HERC2: variants seen among roughly 807,000 people sequenced by gnomAD.
HERC2 encodes HECT and RLD domain containing E3 ubiquitin protein ligase 2.
A neutral mutation model predicts 537.7 loss-of-function variants in HERC2; 102 were observed. The observed-to-expected ratio is 0.19, with a 90% confidence interval of 0.16 to 0.22. The LOEUF (loss-of-function observed/expected upper bound fraction) is 0.22, where lower values mean the gene tolerates loss of function less well. HERC2 is among the 10% of genes least tolerant of loss of function. HERC2 has a pLI of 1.00. For synonymous variants in HERC2, 2,224 were observed against 2,466.2 expected (o/e 0.90, Z 2.91); for missense variants, 4,236 against 6,198.2 (o/e 0.68, Z 10.63).
At chr15:28,319,772 C>G (rs1257431444) in intron 2 of HERC2, among the ~76,000 whole-genome samples, 2 of 151,954 alleles carry the variant, frequency 1.3e-5, no homozygotes, top group African/African-American at 4.8e-5. Flanking sequence ...GGTTTTAGAT[C>G]AAGACACTAG....
chr15:28,125,901 T>C (rs945301430), intron 83 of HERC2, among the ~76,000 whole-genome samples: 7 of 152,170 alleles, frequency 4.6e-5, no homozygotes, highest in African/African-American at 1.7e-4. Context: ...AACCTCCGCC[T>C]CCCGGGTTCG....
chr15:28,115,080 C>T (rs1437991911), intron 89 of HERC2, among the ~76,000 whole-genome samples: 2 of 151,744 alleles, frequency 1.3e-5, no homozygotes, highest in Non-Finnish European at 2.9e-5. Context: ...TCCCTGCAGC[C>T]GAGGCACAAC....
intron 2 of HERC2, among the ~76,000 whole-genome samples, chr15:28,303,665 T>C (rs1480993639): frequency 6.6e-6 from 1 of 152,240 alleles, no homozygotes; most frequent in Non-Finnish European, 1.5e-5. Flanking sequence ...ACAATATTGA[T>C]TCTTCCAATC....
At position 28,135,733 on chromosome 15, in the gene HERC2, T is replaced by C. The variant is rs144448409; in HGVS notation, c.12016-41A>G. The C allele has an allele frequency of 9.7e-4, 1,371 of 1,414,622 alleles. 11 individuals are homozygous for C. The African/African-American group carries it at 0.017, about 18-fold the overall frequency. 87.6% of individuals were successfully genotyped at this position (1,414,622 alleles called of 1,614,324 possible). On this transcript the variant is annotated intron_variant, in intron 78 of 92. Coordinates refer to ENST00000261609, the MANE Select transcript of HERC2 (RefSeq NM_004667.6). The stretch of plus-strand genomic sequence containing the variant: ...GCAATAGTAACATCAGTTTTTAATC[T>C]CAATATCCCCTAAATTTACTAATTC...
chr15:28,201,447 A>G lies in HERC2; in HGVS notation c.7716+9T>C. 1 of 1,534,848 alleles carries G rather than the reference A, an allele frequency of 6.5e-7. No individual in the cohort carries two copies. The highest frequency in any genetic ancestry group is 1.1e-5 in the South Asian group (1 of 89,204). ...CGGATCGAGGCTCCAGCTTAAGACA[A>G]TTACTCACCTGAATATTCTCTCTCA... On this transcript the variant is annotated intron_variant, in intron 48 of 92. Transcript: ENST00000261609.
At chr15:28,240,151 G>C (rs1902915149) in intron 23 of HERC2, among the ~76,000 whole-genome samples, 2 of 152,206 alleles carry the variant, frequency 1.3e-5, no homozygotes, top group Admixed American at 6.5e-5. Flanking sequence ...GGGCGCAGTG[G>C]CTCACGCCTG....
At chr15:28,150,699 C>T (rs1892358063) in intron 70 of HERC2, among the ~76,000 whole-genome samples, 1 of 149,254 alleles carries the variant, frequency 6.7e-6, no homozygotes, top group African/African-American at 2.5e-5. Context: ...AGTGAAATTA[C>T]AGAAAAAACA....
chr15:28,184,204 AT>A (rs1471205860), intron 56 of HERC2, among the ~76,000 whole-genome samples: 1 of 152,048 alleles, frequency 6.6e-6, no homozygotes, highest in Non-Finnish European at 1.5e-5. Flanking sequence ...ATATATATAT[AT>A]TTTCCATACA....
At chr15:28,120,969 G>A (rs1206337939) in intron 86 of HERC2, among the ~76,000 whole-genome samples, 1 of 152,190 alleles carries the variant, frequency 6.6e-6, no homozygotes, top group Admixed American at 6.5e-5. Flanking sequence ...AGGGAGGAGA[G>A]CAGCAAATTT....
chr15:28,321,986 C>G (rs2077243032), intron 1 of HERC2, 89 bp downstream of exon 1: 1 of 111,260 alleles, frequency 9.0e-6, no homozygotes, highest in South Asian at 3.4e-4. Flanking sequence ...GGCCGCCGCG[C>G]CCACGCCCGC....
chr15:28,163,808 TAA>T (rs1283045111), intron 68 of HERC2, among the ~76,000 whole-genome samples: 4 of 152,148 alleles, frequency 2.6e-5, no homozygotes, highest in African/African-American at 9.7e-5. Context: ...ACATCATACA[TAA>T]AAGTCTTCTC....
At chr15:28,229,123 GC>G in intron 34 of HERC2, 71 bp downstream of exon 34, 1 of 1,312,288 alleles carries the variant, frequency 7.6e-7, no homozygotes, top group African/African-American at 1.4e-5. Context: ...GCAAAAATTG[GC>G]ATTTGCAAGT....
Position 28,301,729 on chromosome 15 carries a change from GTATGTGTATATATATA to G in HERC2, c.73-2229_73-2214del, listed in dbSNP as rs1336907065. On this transcript the variant is annotated intron_variant, in intron 2 of 92. Transcript: ENST00000261609. ...TTCTGTGGATACACACTAGTTGTAT[GTATGTGTATATATATA>G]TATATATATATATATATATATATAT... Among the ~76,000 whole-genome samples the G allele has an allele frequency of 3.1e-3, 118 of 37,882 alleles. 3 individuals carry two copies. Among genetic ancestry groups the G allele is most frequent in the African/African-American group, 9.2e-3 (112 of 12,144 alleles). The allele number at this position is 37,882 out of a possible 152,430, so 24.9% of individuals were successfully genotyped here. A position where few individuals can be genotyped will look rare whatever the true frequency, so the allele number is the denominator to read the frequency against.
At chr15:28,228,734 G>C (rs553970766) in intron 34 of HERC2, among the ~76,000 whole-genome samples, 23 of 152,348 alleles carry the variant, frequency 1.5e-4, no homozygotes, top group African/African-American at 5.5e-4. Context: ...GCTGCACGAT[G>C]GGCCTACCCC....
At position 28,132,118 on chromosome 15, in the gene HERC2, G is replaced by A. The variant is rs776426174; in HGVS notation, c.12552C>T (p.Gly4184=). ...GAAATACCTTCATAGGCACTTTACAGCCATCGCTGCCTCCCCGGCCGAGCT... is the reference window on the plus strand; with the variant it reads ...GAAATACCTTCATAGGCACTTTACAACCATCGCTGCCTCCCCGGCCGAGCT... ...YGKLGRGGSD[G]CKVPMKIDSL... Residue 4184 remains glycine, a synonymous_variant, in exon 81 of 93, where the codon GGC becomes GGT. Coordinates refer to ENST00000261609, the MANE Select transcript of HERC2 (RefSeq NM_004667.6). 1.2e-6 allele frequency: 2 copies of A among 1,610,506 alleles called. No homozygotes were observed. The highest frequency in any genetic ancestry group is 1.3e-5 in the African/African-American group (1 of 74,944).
intron 14 of HERC2, among the ~76,000 whole-genome samples, chr15:28,264,020 C>CAAA (rs34823980): frequency 3.3e-4 from 28 of 83,690 alleles, no homozygotes; most frequent in East Asian, 6.2e-4. Flanking sequence ...CTTTGTCTTA[C>CAAA]AAAAAAAAAA....
chr15:28,266,981 C>A (rs562168467), intron 12 of HERC2, among the ~76,000 whole-genome samples: 1 of 152,308 alleles, frequency 6.6e-6, no homozygotes, highest in African/African-American at 2.4e-5. Flanking sequence ...AGCCAGCACT[C>A]TGCAATCTAT....
chr15:28,163,032 G>A (rs983012825), intron 69 of HERC2, 62 bp downstream of exon 69: 1 of 1,387,768 alleles, frequency 7.2e-7, no homozygotes, highest in Non-Finnish European at 1.0e-6. Flanking sequence ...CTCCTTTGGA[G>A]AGGAGGGTGG....
At chr15:28,144,351 T>C in intron 72 of HERC2, 116 bp from the exon 73 acceptor site, 1 of 1,107,342 alleles carries the variant, frequency 9.0e-7, no homozygotes, top group Non-Finnish European at 1.3e-6. Flanking sequence ...AGGCAACAGC[T>C]GGTGTGCCCA....
Sources: gnomAD v4.1 joint callset for allele counts (sites outside exome capture counted in the v4.1 genomes callset) on GRCh38, gnomAD v4.1.1 for gene constraint, MANE v1.5 for transcripts, NCBI Gene and HGNC (gene_info 2026-07-23, HGNC 2026-07-21) for gene names.